The following INSC variants were observed in gnomAD, a reference collection of about 807,000 sequenced individuals.
The protein encoded by INSC is INSC spindle orientation adaptor protein.
Under a neutral mutation model 58.6 loss-of-function variants are expected in INSC, and 67 were observed. The ratio of observed to expected loss-of-function variants is 1.14; its 90% confidence interval spans 0.94 to 1.40. INSC has a LOEUF of 1.40. INSC is among the 40% of genes most tolerant of loss of function. The pLI is 0.00. For synonymous variants in INSC, 262 were observed against 276.1 expected, an observed-to-expected ratio of 0.95 and a Z score of 0.51; for missense variants, 714 against 692.0, an observed-to-expected ratio of 1.03 and a Z score of -0.36.
At chr11:15,254,425 G>T in the INSC span, among the ~76,000 whole-genome samples, 1 of 152,168 alleles carries the variant, frequency 6.6e-6, no homozygotes, top group African/African-American at 2.4e-5. Flanking sequence ...GTGGCAAGTT[G>T]TAGATAAGCC....
chr11:15,117,661 A>C (rs1051092255), intron 1 of INSC, among the ~76,000 whole-genome samples: 3 of 152,268 alleles, frequency 2.0e-5, no homozygotes, highest in Admixed American at 6.5e-5. Context: ...CAGAACAAAT[A>C]AATGAAAAAC....
At chr11:15,153,271 T>G (rs938065580) in intron 2 of INSC, among the ~76,000 whole-genome samples, 8 of 152,358 alleles carry the variant, frequency 5.3e-5, no homozygotes, top group Admixed American at 3.3e-4. Flanking sequence ...GAAACACTTT[T>G]TCACATGGTT....
intron 10 of INSC, among the ~76,000 whole-genome samples, chr11:15,236,791 C>T (rs893043597): frequency 2.0e-4 from 31 of 152,222 alleles, no homozygotes; most frequent in African/African-American, 6.5e-4. Flanking sequence ...TGCTAAACCC[C>T]CTTCTCCCAG....
At chr11:15,252,317 A>G in the INSC span, among the ~76,000 whole-genome samples, 2 of 152,248 alleles carry the variant, frequency 1.3e-5, no homozygotes, top group Non-Finnish European at 2.9e-5. Context: ...CTGTGAATAT[A>G]CTGAAAATCC....
intron 7 of INSC, among the ~76,000 whole-genome samples, chr11:15,221,174 T>C (rs1036961557): frequency 6.6e-6 from 1 of 151,674 alleles, no homozygotes; most frequent in Admixed American, 6.6e-5. Context: ...GACGATTTGC[T>C]GTGGTGGATG....
intron 10 of INSC, among the ~76,000 whole-genome samples, chr11:15,236,485 C>T (rs16931268): frequency 0.23 from 34,523 of 152,110 alleles, 5,141 homozygotes; most frequent in African/African-American, 0.43. Flanking sequence ...GTCAGGGCAA[C>T]CTGAATGTCT....
chr11:15,252,486 G>A, the INSC span, among the ~76,000 whole-genome samples: 1 of 152,202 alleles, frequency 6.6e-6, no homozygotes, highest in African/African-American at 2.4e-5. Flanking sequence ...CAGCTGGCTG[G>A]CAAGTTGGTG....
chr11:15,241,432 G>T, intron 12 of INSC: 1 of 543,690 alleles, frequency 1.8e-6, no homozygotes, highest in South Asian at 2.6e-5. Context: ...AGAAACAGTG[G>T]GGCATTGCAG....
chr11:15,112,018 T>C (rs955587281), upstream of INSC, among the ~76,000 whole-genome samples: 1 of 152,234 alleles, frequency 6.6e-6, no homozygotes, highest in Non-Finnish European at 1.5e-5. Flanking sequence ...TATCTTTGTG[T>C]CTGGATGTGT....
chr11:15,123,143 G>A (rs897661793), intron 1 of INSC, among the ~76,000 whole-genome samples: 61 of 152,198 alleles, frequency 4.0e-4, no homozygotes, highest in African/African-American at 1.3e-3. Flanking sequence ...TCCACCTACC[G>A]AATTCCTGCT....
chr11:15,129,429 A>G (rs1848074308), intron 1 of INSC, among the ~76,000 whole-genome samples: 1 of 152,254 alleles, frequency 6.6e-6, no homozygotes, highest in Admixed American at 6.5e-5. Flanking sequence ...AAAAAATCCT[A>G]TAGGGAATTG....
downstream of INSC, among the ~76,000 whole-genome samples, chr11:15,248,034 T>C (rs1293733537): frequency 6.6e-6 from 1 of 152,184 alleles, no homozygotes; most frequent in Non-Finnish European, 1.5e-5. Context: ...GTAAAGGTAG[T>C]GTTCCACAGA....
downstream of INSC, among the ~76,000 whole-genome samples, chr11:15,250,369 T>C (rs1199860009): frequency 6.6e-6 from 1 of 152,262 alleles, no homozygotes; most frequent in Non-Finnish European, 1.5e-5. Flanking sequence ...AGATCATTTG[T>C]ATGGAAGTTC....
intron 7 of INSC, among the ~76,000 whole-genome samples, chr11:15,204,791 T>G (rs1170472589): frequency 6.6e-6 from 1 of 152,246 alleles, no homozygotes. Context: ...GCCTTCTCAC[T>G]GAGGTTCGCT....
the INSC span, among the ~76,000 whole-genome samples, chr11:15,267,728 T>C: frequency 6.6e-6 from 1 of 152,012 alleles, no homozygotes; most frequent in African/African-American, 2.4e-5. Flanking sequence ...TTCTATGCCA[T>C]TTTCAGATCT....
chr11:15,171,879 G>A (rs1849413134), intron 2 of INSC, among the ~76,000 whole-genome samples: 1 of 152,174 alleles, frequency 6.6e-6, no homozygotes, highest in Non-Finnish European at 1.5e-5. Flanking sequence ...ACAATTTGGG[G>A]CAAGGAATTG....
At chr11:15,195,377 A>G (rs1261792578) in intron 6 of INSC, among the ~76,000 whole-genome samples, 2 of 150,588 alleles carry the variant, frequency 1.3e-5, no homozygotes, top group Non-Finnish European at 3.0e-5. Flanking sequence ...TCTGGGTGGG[A>G]TAAGGACTTC....
chr11:15,125,085 C>T (rs1847961073), intron 1 of INSC, among the ~76,000 whole-genome samples: 1 of 151,954 alleles, frequency 6.6e-6, no homozygotes, highest in Non-Finnish European at 1.5e-5. Flanking sequence ...TAAGGGAGCT[C>T]CAGGGGTGGG....
chr11:15,157,291 C>A (rs1023078110), intron 2 of INSC, among the ~76,000 whole-genome samples: 2 of 152,180 alleles, frequency 1.3e-5, no homozygotes, highest in Non-Finnish European at 2.9e-5. Flanking sequence ...GCTCCTTGGC[C>A]AGGGACCTTA....
Sources: allele counts gnomAD v4.1 joint callset (sites outside exome capture counted in the v4.1 genomes callset), GRCh38; gene constraint gnomAD v4.1.1; transcripts MANE v1.5; gene names NCBI Gene and HGNC (gene_info 2026-07-23, HGNC 2026-07-21).